The following CFAP299 variants were observed in gnomAD, a reference collection of about 807,000 sequenced individuals.
CFAP299 encodes the protein cilia- and flagella-associated protein 299.
Under a neutral mutation model 27.0 loss-of-function variants are expected in CFAP299, and 21 were observed. The observed-to-expected ratio is 0.78, with a 90% CI of 0.55 to 1.12. The LOEUF is 1.12. Ranked by LOEUF, CFAP299 falls within the 50% of genes most tolerant of loss-of-function variation. The probability of loss-of-function intolerance (pLI) is 0.00; values close to 1 mark genes in which losing one functional copy is unlikely to be tolerated. For synonymous variants in CFAP299, 104 were observed against 98.1 expected (o/e 1.06, Z -0.36); for missense variants, 310 against 276.6 (o/e 1.12, Z -0.86).
chr4:80,463,735 C>T (rs1477342516), intron 2 of CFAP299, among the ~76,000 whole-genome samples: 1 of 152,056 alleles, frequency 6.6e-6, no homozygotes, highest in Non-Finnish European at 1.5e-5. Context: ...CCTAAAGGCC[C>T]TATCTCTAAA....
At chr4:80,488,677 C>A (rs185828330) in intron 2 of CFAP299, among the ~76,000 whole-genome samples, 2 of 152,048 alleles carry the variant, frequency 1.3e-5, no homozygotes, top group Admixed American at 6.5e-5. Context: ...GGGGTTTCAC[C>A]GTGTTAGCCA....
At chr4:80,563,440 G>A (rs1735135210) in intron 2 of CFAP299, among the ~76,000 whole-genome samples, 1 of 152,100 alleles carries the variant, frequency 6.6e-6, no homozygotes, top group Non-Finnish European at 1.5e-5. Flanking sequence ...ATATGCTCCT[G>A]AGTGACCAGT....
chr4:80,720,429 A>G (rs922727935), intron 3 of CFAP299, among the ~76,000 whole-genome samples: 1 of 152,102 alleles, frequency 6.6e-6, no homozygotes, highest in African/African-American at 2.4e-5. Flanking sequence ...CCACCTAACA[A>G]ACCTTAAAAG....
At chr4:80,656,222 GTTTTTAAAAAATTA>G (rs1740547969) in intron 3 of CFAP299, among the ~76,000 whole-genome samples, 1 of 151,902 alleles carries the variant, frequency 6.6e-6, no homozygotes, top group South Asian at 2.1e-4. Context: ...ATTGAGATAT[GTTTTTAAAAAATTA>G]TTATTATACT....
At chr4:80,771,982 A>G (rs1320573023) in intron 3 of CFAP299, among the ~76,000 whole-genome samples, 1 of 152,194 alleles carries the variant, frequency 6.6e-6, no homozygotes, top group Non-Finnish European at 1.5e-5. Flanking sequence ...ATGGACATCA[A>G]AGGACCACTA....
chr4:80,412,945 G>C (rs1211476988), intron 2 of CFAP299, among the ~76,000 whole-genome samples: 1 of 152,168 alleles, frequency 6.6e-6, no homozygotes, highest in Non-Finnish European at 1.5e-5. Flanking sequence ...ATTGATATTT[G>C]TGTGTTATGG....
chr4:80,624,622 G>A (rs1738787827), intron 3 of CFAP299, among the ~76,000 whole-genome samples: 2 of 151,678 alleles, frequency 1.3e-5, no homozygotes, highest in Admixed American at 1.3e-4. Context: ...TCAATTTCCA[G>A]GTACAACAAG....
intron 2 of CFAP299, among the ~76,000 whole-genome samples, chr4:80,476,958 T>C (rs13103844): frequency 0.073 from 4,912 of 67,250 alleles, 182 homozygotes; most frequent in African/African-American, 0.27. Context: ...TGTGTGCGCA[T>C]GCGTGTGTGT....
chr4:80,373,104 CCCTG>C (rs1320646615), intron 2 of CFAP299, among the ~76,000 whole-genome samples: 1 of 152,014 alleles, frequency 6.6e-6, no homozygotes, highest in Non-Finnish European at 1.5e-5. Context: ...AGTCAATGAT[CCCTG>C]AGTGGCTGCA....
chr4:80,862,785 G>A (rs1732464132), intron 3 of CFAP299, among the ~76,000 whole-genome samples: 1 of 151,796 alleles, frequency 6.6e-6, no homozygotes, highest in African/African-American at 2.4e-5. Context: ...TGTATGAATA[G>A]TGAAAATTAT....
At chr4:80,598,643 A>G (rs1419900314) in intron 3 of CFAP299, among the ~76,000 whole-genome samples, 1 of 152,168 alleles carries the variant, frequency 6.6e-6, no homozygotes, top group Non-Finnish European at 1.5e-5. Context: ...CAGGCATTCA[A>G]CATAGGCAGA....
At chr4:80,899,394 A>G (rs1734772670) in intron 4 of CFAP299, among the ~76,000 whole-genome samples, 1 of 152,224 alleles carries the variant, frequency 6.6e-6, no homozygotes, top group Non-Finnish European at 1.5e-5. Flanking sequence ...ATGAGATGTA[A>G]TGTGAAAACA....
At chr4:80,468,971 T>C (rs1304949886) in intron 2 of CFAP299, among the ~76,000 whole-genome samples, 1 of 152,150 alleles carries the variant, frequency 6.6e-6, no homozygotes, top group African/African-American at 2.4e-5. Flanking sequence ...TTCATTATTC[T>C]TTTTCTTAGT....
intron 3 of CFAP299, among the ~76,000 whole-genome samples, chr4:80,631,871 C>CA (rs926145731): frequency 1.7e-5 from 2 of 120,696 alleles, no homozygotes; most frequent in Non-Finnish European, 3.7e-5. Flanking sequence ...CCCACCCCCC[C>CA]CCAACCAAAT....
At chr4:80,719,699 G>A (rs1722707013) in intron 3 of CFAP299, among the ~76,000 whole-genome samples, 1 of 152,164 alleles carries the variant, frequency 6.6e-6, no homozygotes, top group Non-Finnish European at 1.5e-5. Flanking sequence ...CACCACCACT[G>A]CAGTGTAGGT....
intron 2 of CFAP299, among the ~76,000 whole-genome samples, chr4:80,393,498 A>G (rs1288867056): frequency 6.6e-6 from 1 of 152,158 alleles, no homozygotes. Flanking sequence ...CCCCATTCAT[A>G]AGTGCCCTAT....
chr4:80,890,241 A>T (rs1734195271), intron 4 of CFAP299, among the ~76,000 whole-genome samples: 1 of 152,144 alleles, frequency 6.6e-6, no homozygotes, highest in Admixed American at 6.5e-5. Context: ...TAAAGACTCC[A>T]CAAAAAGCTG....
intron 1 of CFAP299, among the ~76,000 whole-genome samples, chr4:80,362,427 A>G (rs781078980): frequency 2.6e-5 from 4 of 151,582 alleles, no homozygotes; most frequent in Non-Finnish European, 5.9e-5. Flanking sequence ...AAGATACTCT[A>G]TTAATTACCT....
chr4:80,919,888 C>A (rs7655600), intron 4 of CFAP299, among the ~76,000 whole-genome samples: 33 of 152,016 alleles, frequency 2.2e-4, no homozygotes, highest in Non-Finnish European at 4.1e-4. Context: ...GCTTTGCCCC[C>A]AGTATATATG....
Sources: allele counts gnomAD v4.1 joint callset (sites outside exome capture counted in the v4.1 genomes callset), GRCh38; gene constraint gnomAD v4.1.1; transcripts MANE v1.5; gene names NCBI Gene and HGNC (gene_info 2026-07-23, HGNC 2026-07-21).